IL33: variants seen among roughly 807,000 people sequenced by gnomAD.
IL33 encodes the protein interleukin 33.
Under a neutral mutation model 27.3 loss-of-function variants are expected in IL33, and 37 were observed. That is an observed-to-expected ratio of 1.36 (90% CI 1.04 to 1.78). The LOEUF (loss-of-function observed/expected upper bound fraction) is 1.78, where lower values mean the gene tolerates loss of function less well. IL33 is among the 40% of genes most tolerant of loss of function. IL33 has a pLI of 0.00. For missense variants in IL33, 406 were observed against 311.4 expected (o/e 1.30, Z -2.29); for synonymous variants, 132 against 102.9 (o/e 1.28, Z -1.71).
intron 1 of IL33, among the ~76,000 whole-genome samples, chr9:6,216,579 A>T (rs1324695614): frequency 1.3e-5 from 2 of 152,208 alleles, no homozygotes; most frequent in East Asian, 3.9e-4. Context: ...TACTAAAAAT[A>T]CAAAAACAAA....
At position 6,250,490 on chromosome 9, in the gene IL33, C is replaced by A. The variant is rs780397602; in HGVS notation, c.108C>A (p.Ala36=). The A allele has an allele frequency of 6.2e-7, 1 of 1,613,388 alleles. No homozygotes were observed. The highest frequency in any genetic ancestry group is 8.5e-7 in the Non-Finnish European group (1 of 1,179,688). Residue 36 remains alanine, a synonymous_variant, in exon 3 of 8, where the codon GCC becomes GCA. Coordinates refer to ENST00000682010, the MANE Select transcript of IL33 (RefSeq NM_033439.4). ...ATTGTTTAGAATCCCAACAGAAGGC[C>A]AAAGAAGTTTGCCCCATGTACTTTA... The part of the protein sequence containing the change: ...CFKLGKSQQK[A]KEVCPMYFMK...
chr9:6,215,486 CA>C (rs1818096234), upstream of IL33, among the ~76,000 whole-genome samples: 1 of 151,910 alleles, frequency 6.6e-6, no homozygotes, highest in South Asian at 2.1e-4. Flanking sequence ...AGCCAACGGC[CA>C]AAAGTGAATA....
intron 1 of IL33, among the ~76,000 whole-genome samples, chr9:6,220,261 C>G (rs1818352731): frequency 6.6e-6 from 1 of 152,202 alleles, no homozygotes; most frequent in Non-Finnish European, 1.5e-5. Flanking sequence ...TTTGAACATT[C>G]CATAAATTAA....
At position 6,256,640 on chromosome 9, in the gene IL33, C is replaced by A. The variant is rs949642212; in HGVS notation, c.*472C>A. Reference sequence around the variant, plus strand: ...AGTAAAAAGAAGACCAGATGCTTCACAGAATTATCATTTTTTCAACTGGAA... The same window carrying A: ...AGTAAAAAGAAGACCAGATGCTTCAAAGAATTATCATTTTTTCAACTGGAA... On this transcript the variant is annotated 3_prime_UTR_variant, in exon 8 of 8. Transcript: ENST00000682010. The A allele has an allele frequency of 2.6e-5, 7 of 264,248 alleles. No individual in the cohort carries two copies. Among genetic ancestry groups the A allele is most frequent in the African/African-American group, 1.5e-4 (7 of 45,926 alleles). 16.4% of individuals were successfully genotyped at this position (264,248 alleles called of 1,614,324 possible). A position where few individuals can be genotyped will look rare whatever the true frequency, so the allele number is the denominator to read the frequency against.
rs1193000923 is a variant in IL33 at position 6,241,923 on chromosome 9, A to T, written c.91+138A>T. ...GAACTAAAATAAAAAGAGATGGCAC[A>T]TAAGGGTATAATACAGCAGACTGGT... is the stretch of plus-strand genomic sequence containing the variant. On this transcript the variant is annotated intron_variant, in intron 2 of 7. Transcript: ENST00000682010. 5.0e-5 allele frequency: 33 copies of T among 655,624 alleles called. No homozygotes were observed. In the South Asian group the frequency reaches 5.9e-4, roughly 12 times the overall value. The allele number at this position is 655,624 out of a possible 1,614,324, so 40.6% of individuals were successfully genotyped here.
intron 1 of IL33, among the ~76,000 whole-genome samples, chr9:6,233,647 C>T (rs1287180125): frequency 2.0e-5 from 3 of 152,116 alleles, no homozygotes; most frequent in Non-Finnish European, 4.4e-5. Context: ...TCATTTAATT[C>T]TCACAACAAC....
At chr9:6,255,551 A>C (rs187208149) in intron 7 of IL33, among the ~76,000 whole-genome samples, 1 of 152,284 alleles carries the variant, frequency 6.6e-6, no homozygotes, top group East Asian at 1.9e-4. Flanking sequence ...TAGTGCCTCA[A>C]AATAATAATC....
Position 6,257,110 on chromosome 9 carries a change from A to C in IL33, c.*942A>C, listed in dbSNP as rs1464331327. 6.6e-6 allele frequency: 1 copy of C among 152,160 alleles called. No homozygotes were observed. The highest frequency in any genetic ancestry group is 1.5e-5 in the Non-Finnish European group (1 of 68,028). 9.4% of individuals were successfully genotyped at this position (152,160 alleles called of 1,614,324 possible). A position where few individuals can be genotyped will look rare whatever the true frequency, so the allele number is the denominator to read the frequency against. On this transcript the variant is annotated 3_prime_UTR_variant, in exon 8 of 8. Coordinates refer to ENST00000682010, the MANE Select transcript of IL33 (RefSeq NM_033439.4). Reference sequence around the variant, plus strand: ...CAGAGCCTAGATGAGACACCGAATTAACATTAAAATTTCAGTAACTGACTG... The same window carrying C: ...CAGAGCCTAGATGAGACACCGAATTCACATTAAAATTTCAGTAACTGACTG...
chr9:6,251,084 G>A (rs1385319592), intron 3 of IL33, 56 bp from the exon 4 acceptor site: 1 of 1,586,464 alleles, frequency 6.3e-7, no homozygotes, highest in African/African-American at 1.3e-5. Flanking sequence ...TCCTCAAAGG[G>A]GCATTTGTGC....
Position 6,241,686 on chromosome 9 carries a change from T to C in IL33, c.-9T>C, listed in dbSNP as rs772272817. The C allele has an allele frequency of 3.4e-5, 54 of 1,576,974 alleles. No individual in the cohort carries two copies. Among genetic ancestry groups the C allele is most frequent in the Non-Finnish European group, 4.7e-5 (54 of 1,152,468 alleles). ...AATATTATATTTTAATCCAACAGAA[T>C]ACTGAAAAATGAAGCCTAAAATGAA... is the stretch of plus-strand genomic sequence containing the variant. On this transcript the variant is annotated splice_region_variant and 5_prime_UTR_variant, in exon 2 of 8. Transcript: ENST00000682010.
intron 1 of IL33, among the ~76,000 whole-genome samples, chr9:6,235,753 G>T (rs1375): frequency 0.62 from 93,475 of 151,958 alleles, 29,839 homozygotes; most frequent in Middle Eastern, 0.74. Flanking sequence ...CTATCAGATA[G>T]TTTACACTCT....
At chr9:6,249,211 G>A (rs1816189714) in intron 2 of IL33, among the ~76,000 whole-genome samples, 4 of 152,216 alleles carry the variant, frequency 2.6e-5, no homozygotes, top group African/African-American at 9.6e-5. Context: ...TTGGAAGCAA[G>A]ATGTGGATTA....
chr9:6,251,960 A>AACCTTGAC (rs1280162381), intron 4 of IL33, among the ~76,000 whole-genome samples: 2 of 151,482 alleles, frequency 1.3e-5, no homozygotes, highest in African/African-American at 2.4e-5. Context: ...GAATTGCTTG[A>AACCTTGAC]ACCTTGACAG....
intron 1 of IL33, among the ~76,000 whole-genome samples, chr9:6,231,785 C>G (rs1462062759): frequency 1.3e-5 from 2 of 152,182 alleles, no homozygotes; most frequent in African/African-American, 4.8e-5. Flanking sequence ...TTTGTGCCCT[C>G]AGGATCTCGA....
intron 1 of IL33, among the ~76,000 whole-genome samples, chr9:6,219,267 G>C (rs962868225): frequency 6.6e-6 from 1 of 151,896 alleles, no homozygotes; most frequent in Non-Finnish European, 1.5e-5. Flanking sequence ...TCGGTTTCCT[G>C]TAGATTCTCT....
intron 1 of IL33, among the ~76,000 whole-genome samples, chr9:6,227,623 A>G (rs1161554343): frequency 1.3e-5 from 2 of 152,152 alleles, no homozygotes; most frequent in Admixed American, 1.3e-4. Flanking sequence ...TCTACTCTTT[A>G]CAAAGTTTTG....
At chr9:6,226,951 G>T (rs987190348) in intron 1 of IL33, among the ~76,000 whole-genome samples, 1 of 152,196 alleles carries the variant, frequency 6.6e-6, no homozygotes, top group African/African-American at 2.4e-5. Flanking sequence ...ACTTGTATTT[G>T]CCTTGGGGCA....
In IL33 at chr9:6,241,688, C is replaced by A; in HGVS notation, c.-7C>A. On this transcript the variant is annotated 5_prime_UTR_variant, in exon 2 of 8. It adds an upstream start codon to the 5' untranslated region. Transcript: ENST00000682010. ...TATTATATTTTAATCCAACAGAATA[C>A]TGAAAAATGAAGCCTAAAATGAAGT... is the stretch of plus-strand genomic sequence containing the variant. 6.3e-7 allele frequency: 1 copy of A among 1,583,324 alleles called. No individual in the cohort carries two copies. Among genetic ancestry groups the A allele is most frequent in the African/African-American group, 1.4e-5 (1 of 73,898 alleles).
At chr9:6,218,767 CCA>C (rs1818272877) in intron 1 of IL33, among the ~76,000 whole-genome samples, 1 of 111,704 alleles carries the variant, frequency 9.0e-6, no homozygotes, top group Admixed American at 8.7e-5. Flanking sequence ...TATATGTTCT[CCA>C]TATATATATA....
Sources: gnomAD v4.1 joint callset for allele counts (sites outside exome capture counted in the v4.1 genomes callset) on GRCh38, gnomAD v4.1.1 for gene constraint, MANE v1.5 for transcripts, NCBI Gene and HGNC (gene_info 2026-07-23, HGNC 2026-07-21) for gene names.